The following WWTR1 variants were observed in gnomAD, a reference collection of about 807,000 sequenced individuals.
The protein encoded by WWTR1 is WW domain-containing transcription regulator protein 1.
A neutral mutation model predicts 40.1 loss-of-function variants in WWTR1; 13 were observed. The observed-to-expected ratio is 0.32, with a 90% CI of 0.21 to 0.52. The LOEUF is 0.52. Ranked by LOEUF, WWTR1 falls within the 20% of genes least tolerant of loss-of-function variation. WWTR1 has a pLI of 0.97. For synonymous variants in WWTR1, 230 were observed against 210.1 expected (o/e 1.09, Z -0.82); for missense variants, 436 against 523.1 (o/e 0.83, Z 1.63).
At chr3:149,670,301 C>T (rs1714016702) in intron 1 of WWTR1, among the ~76,000 whole-genome samples, 1 of 152,162 alleles carries the variant, frequency 6.6e-6, no homozygotes, top group African/African-American at 2.4e-5. Context: ...CTCCATTTTT[C>T]AGGGCGCAGT....
At chr3:149,708,675 T>G (rs1715393077) in intron 5 of WWTR1, among the ~76,000 whole-genome samples, 1 of 152,246 alleles carries the variant, frequency 6.6e-6, no homozygotes, top group African/African-American at 2.4e-5. Context: ...CAGAATAATA[T>G]TCTAGCATAT....
At chr3:149,610,159 T>C (rs1739667732) in intron 2 of WWTR1, among the ~76,000 whole-genome samples, 1 of 152,234 alleles carries the variant, frequency 6.6e-6, no homozygotes, top group South Asian at 2.1e-4. Context: ...TGCCATTATA[T>C]ACTATACATC....
intron 5 of WWTR1, 90 bp from the exon 6 acceptor site, chr3:149,526,215 C>T: frequency 1.1e-6 from 1 of 896,428 alleles, no homozygotes; most frequent in South Asian, 3.1e-5. Context: ...TAAACTAGTG[C>T]AGTTGTGCCA....
At chr3:149,628,243 G>A (rs1000667535) in intron 2 of WWTR1, among the ~76,000 whole-genome samples, 9 of 152,080 alleles carry the variant, frequency 5.9e-5, no homozygotes, top group African/African-American at 1.4e-4. Flanking sequence ...GGTGGCGGGC[G>A]CCTGTAGTCC....
intron 3 of WWTR1, among the ~76,000 whole-genome samples, chr3:149,570,730 G>T (rs1384047633): frequency 1.3e-5 from 2 of 152,160 alleles, no homozygotes. Flanking sequence ...TGGACTTTGT[G>T]TGTGTGTGTG....
At chr3:149,640,918 T>G (rs1347475454) in intron 2 of WWTR1, among the ~76,000 whole-genome samples, 1 of 152,244 alleles carries the variant, frequency 6.6e-6, no homozygotes, top group African/African-American at 2.4e-5. Flanking sequence ...TTTATTGTGA[T>G]GGCCTAGATC....
chr3:149,591,968 A>G (rs1028233539), intron 2 of WWTR1, among the ~76,000 whole-genome samples: 78 of 152,204 alleles, frequency 5.1e-4, no homozygotes, highest in African/African-American at 1.8e-3. Context: ...GATTCTGCCA[A>G]CTGCATCTGG....
chr3:149,705,111 A>C (rs1184356660), upstream of WWTR1, among the ~76,000 whole-genome samples: 1 of 152,158 alleles, frequency 6.6e-6, no homozygotes, highest in Non-Finnish European at 1.5e-5. Flanking sequence ...AAATAAAGCT[A>C]AAAGACAAAG....
At chr3:149,611,381 C>T (rs1351548879) in intron 2 of WWTR1, among the ~76,000 whole-genome samples, 1 of 152,144 alleles carries the variant, frequency 6.6e-6, no homozygotes, top group Non-Finnish European at 1.5e-5. Context: ...TATGTATTGT[C>T]TACAGATGCT....
At chr3:149,708,178 T>C (rs540016187), upstream of WWTR1, among the ~76,000 whole-genome samples, 201 of 152,254 alleles carry the variant, frequency 1.3e-3, 5 homozygotes, top group Non-Finnish European at 1.5e-3. Flanking sequence ...CAGGCATTTT[T>C]CCCCAAACTC....
At chr3:149,584,773 A>C (rs1408369471) in intron 2 of WWTR1, among the ~76,000 whole-genome samples, 2 of 152,218 alleles carry the variant, frequency 1.3e-5, no homozygotes, top group Non-Finnish European at 2.9e-5. Flanking sequence ...TCTGCCATTA[A>C]CTGACTAAGA....
At chr3:149,659,060 C>G (rs1039602403), upstream of WWTR1, among the ~76,000 whole-genome samples, 3 of 152,114 alleles carry the variant, frequency 2.0e-5, no homozygotes, top group Non-Finnish European at 4.4e-5. Flanking sequence ...GAAACAGCTG[C>G]GGGAAGTAGG....
chr3:149,698,623 T>C (rs920788253), intron 1 of WWTR1, among the ~76,000 whole-genome samples: 8 of 152,234 alleles, frequency 5.3e-5, no homozygotes, highest in African/African-American at 1.9e-4. Flanking sequence ...AGTTTCTCTC[T>C]AGGGGCTCCA....
intron 5 of WWTR1, among the ~76,000 whole-genome samples, chr3:149,714,632 A>C (rs1464958013): frequency 6.6e-6 from 1 of 152,198 alleles, no homozygotes; most frequent in East Asian, 1.9e-4. Flanking sequence ...GCCCCTTGGC[A>C]AGAACAGCCT....
chr3:149,543,602 A>AAAAAAAAAAAAAAAAAAAAAAC (rs1736236694), intron 3 of WWTR1, among the ~76,000 whole-genome samples: 1 of 147,860 alleles, frequency 6.8e-6, no homozygotes, highest in African/African-American at 2.5e-5. Flanking sequence ...AAAAAAAAAA[A>AAAAAAAAAAAAAAAAAAAAAAC]AGAACTTCAC....
upstream of WWTR1, among the ~76,000 whole-genome samples, chr3:149,705,696 G>T (rs1174019840): frequency 1.3e-5 from 2 of 152,078 alleles, no homozygotes; most frequent in Non-Finnish European, 2.9e-5. Flanking sequence ...AGCTAACCTG[G>T]ACAACTAATC....
At chr3:149,543,198 T>C (rs1024595347) in intron 3 of WWTR1, among the ~76,000 whole-genome samples, 1 of 152,246 alleles carries the variant, frequency 6.6e-6, no homozygotes, top group Non-Finnish European at 1.5e-5. Context: ...AAACATGTTG[T>C]GCCTGGATAA....
chr3:149,653,574 T>G (rs773970804), intron 2 of WWTR1, among the ~76,000 whole-genome samples: 20 of 152,230 alleles, frequency 1.3e-4, no homozygotes, highest in Non-Finnish European at 2.8e-4. Flanking sequence ...AAGCTGTGAA[T>G]GCTCAGGAAA....
At chr3:149,595,003 C>T (rs1391842075) in intron 2 of WWTR1, among the ~76,000 whole-genome samples, 3 of 112,144 alleles carry the variant, frequency 2.7e-5, no homozygotes, top group Non-Finnish European at 5.0e-5. Flanking sequence ...CGCTCTGTTG[C>T]CAGGCTGGAG....
Sources: gnomAD v4.1 joint callset for allele counts (sites outside exome capture counted in the v4.1 genomes callset) on GRCh38, gnomAD v4.1.1 for gene constraint, MANE v1.5 for transcripts, NCBI Gene and HGNC (gene_info 2026-07-23, HGNC 2026-07-21) for gene names.